The following TCF4 variants were observed in gnomAD, a reference collection of about 807,000 sequenced individuals.
The protein encoded by TCF4 is transcription factor 4.
In TCF4, 3 loss-of-function variants were observed where a neutral mutation model predicts 82.1. That is an observed-to-expected ratio of 0.04 (90% CI 0.02 to 0.09). TCF4 has a LOEUF of 0.09. TCF4 is among the 10% of genes least tolerant of loss of function. The probability of loss-of-function intolerance (pLI) is 1.00; values close to 1 mark genes in which losing one functional copy is unlikely to be tolerated. For synonymous variants in TCF4, 276 were observed against 309.6 expected (o/e 0.89, Z 1.14); for missense variants, 518 against 852.7 (o/e 0.61, Z 4.89).
chr18:55,601,970 T>C (rs1568485637), intron 2 of TCF4, among the ~76,000 whole-genome samples: 1 of 152,234 alleles, frequency 6.6e-6, no homozygotes, highest in African/African-American at 2.4e-5. Context: ...GTGATAATTA[T>C]GGCTCTGTGA....
At chr18:55,586,156 C>CAGCAGCAGCAGG in intron 2 of TCF4, 1 of 80,870 alleles carries the variant, frequency 1.2e-5, no homozygotes, top group Non-Finnish European at 2.1e-5. Context: ...GGAGGAGGAG[C>CAGCAGCAGCAGG]AGCAGCAGCA....
chr18:55,256,085 T>C (rs1396523879), intron 14 of TCF4, among the ~76,000 whole-genome samples: 1 of 152,122 alleles, frequency 6.6e-6, no homozygotes, highest in African/African-American at 2.4e-5. Flanking sequence ...TTTATAAATA[T>C]GGGAATGATA....
intron 6 of TCF4, among the ~76,000 whole-genome samples, chr18:55,371,305 G>C (rs2089087929): frequency 6.6e-6 from 1 of 152,162 alleles, no homozygotes; most frequent in Non-Finnish European, 1.5e-5. Context: ...TCTGGATGAG[G>C]GGGCCATAGG....
At chr18:55,310,149 C>T (rs554441352) in intron 8 of TCF4, among the ~76,000 whole-genome samples, 1 of 152,274 alleles carries the variant, frequency 6.6e-6, no homozygotes, top group South Asian at 2.1e-4. Context: ...AACCTAAACA[C>T]ATCAGTGTGA....
intron 3 of TCF4, among the ~76,000 whole-genome samples, chr18:55,583,493 A>G (rs1568458904): frequency 1.3e-5 from 2 of 152,160 alleles, no homozygotes; most frequent in Admixed American, 1.3e-4. Flanking sequence ...CAAGAACTTT[A>G]TTTAAATGTG....
chr18:55,323,123 G>C (rs1197295768), intron 8 of TCF4, among the ~76,000 whole-genome samples: 2 of 152,044 alleles, frequency 1.3e-5, no homozygotes, highest in Admixed American at 1.3e-4. Flanking sequence ...AAAAAGGCGG[G>C]GGGAGGTACA....
intron 8 of TCF4, chr18:55,321,512 A>C: frequency 9.1e-7 from 1 of 1,094,674 alleles, no homozygotes; most frequent in Non-Finnish European, 1.3e-6. Flanking sequence ...GTAGGCAAGA[A>C]GAAGATCTTA....
At position 55,588,146 on chromosome 18, in the gene TCF4, C is replaced by T. The variant is rs1426005777; in HGVS notation, c.-129G>A. On this transcript the variant is annotated 5_prime_UTR_variant, in exon 1 of 20. Coordinates refer to ENST00000354452, the MANE Select transcript of TCF4 (RefSeq NM_001083962.2). ...CCTGCTCCTGCGCCCGCTCCCGCGC[C>T]TGCTGCCTCCCCGCCGCCGCCGCCG... 1.6e-5 allele frequency: 17 copies of T among 1,083,146 alleles called. No homozygotes were observed. In the East Asian group the frequency reaches 3.8e-4, roughly 24 times the overall value. The allele number at this position is 1,083,146 out of a possible 1,614,324, so 67.1% of individuals were successfully genotyped here.
At chr18:55,321,832 T>C in intron 8 of TCF4, 1 of 1,493,888 alleles carries the variant, frequency 6.7e-7, no homozygotes, top group East Asian at 2.5e-5. Context: ...TCAGTTGCAT[T>C]TTCCCATATG....
At chr18:55,373,678 T>C (rs2089965058) in intron 6 of TCF4, among the ~76,000 whole-genome samples, 1 of 151,934 alleles carries the variant, frequency 6.6e-6, no homozygotes, top group Admixed American at 6.6e-5. Flanking sequence ...GCCAGGTTGG[T>C]GGCACATGCT....
At chr18:55,299,886 T>C (rs577766296) in intron 8 of TCF4, among the ~76,000 whole-genome samples, 15 of 152,298 alleles carry the variant, frequency 9.8e-5, no homozygotes, top group African/African-American at 3.4e-4. Flanking sequence ...TCACTGTGCA[T>C]GGGAGATGAG....
At chr18:55,341,660 ATATTTCAGAG>A (rs1193897182) in intron 8 of TCF4, among the ~76,000 whole-genome samples, 1 of 152,180 alleles carries the variant, frequency 6.6e-6, no homozygotes, top group Non-Finnish European at 1.5e-5. Context: ...CACTGGAAAT[ATATTTCAGAG>A]TAATACGCAT....
chr18:55,473,066 A>G (rs2096220342), intron 3 of TCF4, among the ~76,000 whole-genome samples: 1 of 152,236 alleles, frequency 6.6e-6, no homozygotes, highest in Non-Finnish European at 1.5e-5. Flanking sequence ...TGCAAAATCC[A>G]TAATATTGTA....
chr18:55,415,272 CT>C (rs1484876726), intron 5 of TCF4, among the ~76,000 whole-genome samples: 6 of 152,106 alleles, frequency 3.9e-5, no homozygotes, highest in African/African-American at 1.4e-4. Flanking sequence ...AAAACCTCAC[CT>C]TTATTTCCAA....
intron 6 of TCF4, among the ~76,000 whole-genome samples, chr18:55,359,649 T>C (rs1036449582): frequency 3.3e-5 from 5 of 152,224 alleles, no homozygotes; most frequent in African/African-American, 1.2e-4. Context: ...CCTCCATCTC[T>C]ATATTCAGTC....
intron 2 of TCF4, among the ~76,000 whole-genome samples, chr18:55,622,213 T>G (rs2097721956): frequency 6.7e-6 from 1 of 149,498 alleles, no homozygotes; most frequent in Non-Finnish European, 1.5e-5. Flanking sequence ...TTATGTAGAC[T>G]TAAGAGTAAC....
chr18:55,520,442 G>A (rs964735545), intron 3 of TCF4, among the ~76,000 whole-genome samples: 2 of 152,136 alleles, frequency 1.3e-5, no homozygotes, highest in African/African-American at 4.8e-5. Context: ...GATGTTTATA[G>A]ATGTCTATAT....
upstream of TCF4, chr18:55,589,317 C>T (rs2097678827): frequency 4.8e-6 from 5 of 1,052,088 alleles, no homozygotes; most frequent in East Asian, 2.7e-4. Flanking sequence ...CACAAATATT[C>T]TCACAATATT....
chr18:55,531,408 G>A (rs2097061423), intron 3 of TCF4, among the ~76,000 whole-genome samples: 1 of 152,182 alleles, frequency 6.6e-6, no homozygotes, highest in South Asian at 2.1e-4. Context: ...TCGCTAAGTA[G>A]AGAATGGGGG....
Sources: allele counts gnomAD v4.1 joint callset (sites outside exome capture counted in the v4.1 genomes callset), GRCh38; gene constraint gnomAD v4.1.1; transcripts MANE v1.5; gene names NCBI Gene and HGNC (gene_info 2026-07-23, HGNC 2026-07-21).